The following CHL1 variants were observed in gnomAD, a reference collection of about 807,000 sequenced individuals.
CHL1 encodes the protein neural cell adhesion molecule L1-like protein.
Under a neutral mutation model 141.9 loss-of-function variants are expected in CHL1, and 96 were observed. The observed-to-expected ratio is 0.68, with a 90% CI of 0.57 to 0.80. CHL1 has a LOEUF of 0.80. CHL1 is among the 30% of genes least tolerant of loss of function. The pLI, the probability that CHL1 is intolerant of heterozygous loss-of-function variation, is 0.00. For synonymous variants in CHL1, 613 were observed against 502.2 expected, an observed-to-expected ratio of 1.22 and a Z score of -2.95; for missense variants, 1,820 against 1,457.2, an observed-to-expected ratio of 1.25 and a Z score of -4.05.
intron 1 of CHL1, among the ~76,000 whole-genome samples, chr3:228,936 A>G (rs537851521): frequency 1.3e-5 from 2 of 152,304 alleles, no homozygotes; most frequent in East Asian, 3.9e-4. Context: ...GGAAAAAAAA[A>G]CTGATTTAAA....
intron 1 of CHL1, among the ~76,000 whole-genome samples, chr3:209,335 T>C (rs1699702922): frequency 6.6e-6 from 1 of 152,212 alleles, no homozygotes; most frequent in Non-Finnish European, 1.5e-5. Context: ...TTACATTTAA[T>C]ATATTTCTTC....
chr3:398,660 C>G (rs1454359679), intron 25 of CHL1, among the ~76,000 whole-genome samples: 1 of 151,898 alleles, frequency 6.6e-6, no homozygotes, highest in African/African-American at 2.4e-5. Flanking sequence ...AAAGAAAAAG[C>G]AAAACAAAAC....
intron 2 of CHL1, among the ~76,000 whole-genome samples, chr3:254,091 G>T (rs1693942869): frequency 6.6e-6 from 1 of 152,076 alleles, no homozygotes; most frequent in Non-Finnish European, 1.5e-5. Flanking sequence ...CCCAGCTGCT[G>T]GGATGTGTCC....
At chr3:288,529 G>T (rs2125328313) in intron 2 of CHL1, among the ~76,000 whole-genome samples, 1 of 152,128 alleles carries the variant, frequency 6.6e-6, no homozygotes, top group South Asian at 2.1e-4. Context: ...CTGTCTTTTG[G>T]CTCTGTTGCA....
In CHL1 at chr3:404,644, A is replaced by G. The variant is rs542738738; in HGVS notation, c.3459-851A>G. Among the ~76,000 whole-genome samples the G allele has an allele frequency of 2.6e-5, 4 of 152,318 alleles. 1 individual carries two copies. The South Asian group carries it at 8.3e-4, about 32-fold the overall frequency. ...CAAACTTGAATTGTTAACTATATTA[A>G]AGAAAGTTATTTGGTTTCAAAAACA... On this transcript the variant is annotated intron_variant, in intron 27 of 27. Transcript: ENST00000256509.
chr3:222,968 T>C (rs545988093), intron 1 of CHL1, among the ~76,000 whole-genome samples: 3 of 152,308 alleles, frequency 2.0e-5, no homozygotes, highest in African/African-American at 7.2e-5. Context: ...CAAAACATCT[T>C]TTCAGATTCT....
intron 3 of CHL1, among the ~76,000 whole-genome samples, chr3:325,042 T>C (rs954250111): frequency 1.3e-5 from 2 of 151,908 alleles, no homozygotes; most frequent in Non-Finnish European, 2.9e-5. Context: ...TATTAGTAAG[T>C]TAAATTCTCT....
At chr3:212,730 C>G (rs1233527387) in intron 1 of CHL1, among the ~76,000 whole-genome samples, 1 of 152,156 alleles carries the variant, frequency 6.6e-6, no homozygotes, top group Admixed American at 6.5e-5. Flanking sequence ...CTTAGAGACC[C>G]TCTCCTTTGA....
At chr3:292,402 A>C (rs1250661818) in intron 2 of CHL1, among the ~76,000 whole-genome samples, 1 of 152,240 alleles carries the variant, frequency 6.6e-6, no homozygotes, top group African/African-American at 2.4e-5. Flanking sequence ...GGAAAGCAAG[A>C]ATCAGGTTTT....
rs200853718 is a variant in CHL1, at chr3:360,434, C to A, written c.1306+10C>A. On this transcript the variant is annotated intron_variant, in intron 12 of 27. Transcript: ENST00000256509. ...AATATTGATGTTGTGGGTGAGTGTG[C>A]CTGGGAGCTGACTTAACATGCTATT... 2.7e-4 allele frequency: 440 copies of A among 1,612,040 alleles called. 3 individuals are homozygous for A. The South Asian group carries it at 4.6e-3, about 17-fold the overall frequency.
chr3:304,583 G>C (rs1369742718), intron 2 of CHL1, among the ~76,000 whole-genome samples: 1 of 152,110 alleles, frequency 6.6e-6, no homozygotes, highest in Non-Finnish European at 1.5e-5. Context: ...GATTGGTGGT[G>C]ATATCCCCTT....
intron 2 of CHL1, among the ~76,000 whole-genome samples, chr3:254,843 C>T (rs908754418): frequency 6.6e-6 from 1 of 152,120 alleles, no homozygotes; most frequent in African/African-American, 2.4e-5. Flanking sequence ...GGGAGGAGCC[C>T]TTCTGACCTA....
intron 1 of CHL1, among the ~76,000 whole-genome samples, chr3:224,707 C>G (rs928595652): frequency 2.0e-5 from 3 of 152,154 alleles, no homozygotes. Context: ...TACAAATTAC[C>G]CGGTCTCAGG....
At chr3:315,911 G>C (rs773553319) in intron 2 of CHL1, among the ~76,000 whole-genome samples, 2 of 152,058 alleles carry the variant, frequency 1.3e-5, no homozygotes, top group Non-Finnish European at 2.9e-5. Flanking sequence ...TCTCTCTAGT[G>C]AGAGAGAGGG....
chr3:218,059 C>T (rs894924972), intron 1 of CHL1, among the ~76,000 whole-genome samples: 4 of 152,154 alleles, frequency 2.6e-5, no homozygotes, highest in African/African-American at 9.7e-5. Context: ...TAACCCACAG[C>T]CCCTGCACAG....
At chr3:398,171 A>T in intron 24 of CHL1, 56 bp from the exon 25 acceptor site, 2 of 1,216,228 alleles carry the variant, frequency 1.6e-6, no homozygotes, top group Admixed American at 2.5e-5. Flanking sequence ...ATATTTTTTT[A>T]TGTCCTGTTT....
In CHL1 at chr3:360,266, T is replaced by C. The variant is rs201360373; in HGVS notation, c.1166-18T>C. 146 of 1,612,804 alleles carry C rather than the reference T, an allele frequency of 9.1e-5. No homozygotes were observed. Among genetic ancestry groups the C allele is most frequent in the Non-Finnish European group, 3.2e-5 (38 of 1,179,280 alleles). The stretch of plus-strand genomic sequence containing the variant: ...TGTCCTGTTCCTTATCAAACTGACA[T>C]TCTTTAATCTCTTTCAGATCATCCA... On this transcript the variant is annotated intron_variant, in intron 11 of 27. Coordinates refer to ENST00000256509, the MANE Select transcript of CHL1 (RefSeq NM_006614.4).
intron 2 of CHL1, among the ~76,000 whole-genome samples, chr3:301,674 A>G (rs1422499635): frequency 6.6e-6 from 1 of 152,248 alleles, no homozygotes; most frequent in Non-Finnish European, 1.5e-5. Context: ...CGGCATTGCC[A>G]TATAGTAGTT....
intron 8 of CHL1, 83 bp downstream of exon 8, chr3:343,114 CTT>C (rs1702469726): frequency 3.7e-6 from 4 of 1,080,764 alleles, no homozygotes; most frequent in East Asian, 2.5e-5. Context: ...TTAATATCCT[CTT>C]AAGTTTATTA....
Sources: gnomAD v4.1 joint callset for allele counts (sites outside exome capture counted in the v4.1 genomes callset) on GRCh38, gnomAD v4.1.1 for gene constraint, MANE v1.5 for transcripts, NCBI Gene and HGNC (gene_info 2026-07-23, HGNC 2026-07-21) for gene names.